GABRG2: variants seen among roughly 807,000 people sequenced by gnomAD.
The protein encoded by GABRG2 is gamma-aminobutyric acid receptor subunit gamma-2.
Under a neutral mutation model 56.4 loss-of-function variants are expected in GABRG2, and 16 were observed. The ratio of observed to expected loss-of-function variants is 0.28; its 90% CI spans 0.19 to 0.43. The LOEUF is 0.43. GABRG2 is among the 20% of genes least tolerant of loss of function. The pLI is 1.00. For missense variants in GABRG2, 327 were observed against 582.7 expected (o/e 0.56, Z 4.52); for synonymous variants, 208 against 205.5 (o/e 1.01, Z -0.10).
intron 6 of GABRG2, among the ~76,000 whole-genome samples, chr5:162,117,796 G>T (rs1762719713): frequency 6.6e-6 from 1 of 152,048 alleles, no homozygotes; most frequent in Admixed American, 6.6e-5. Context: ...TTGAATAATT[G>T]AGTACTAATA....
intron 6 of GABRG2, among the ~76,000 whole-genome samples, chr5:162,137,032 G>A (rs1046614808): frequency 6.6e-6 from 1 of 152,100 alleles, no homozygotes. Context: ...AAACAACCCC[G>A]AGAATGGTGG....
intron 1 of GABRG2, among the ~76,000 whole-genome samples, chr5:162,091,397 C>T (rs976655690): frequency 6.6e-6 from 1 of 151,968 alleles, no homozygotes; most frequent in Non-Finnish European, 1.5e-5. Flanking sequence ...AGGCACTGTG[C>T]TAAGCACTTA....
chr5:162,080,672 A>G lies in GABRG2; in HGVS notation c.107+12566A>G, dbSNP rs191252459. On this transcript the variant is annotated intron_variant, in intron 1 of 9. Coordinates refer to ENST00000639213, the MANE Select transcript of GABRG2 (RefSeq NM_198904.4). ...CAGTTTCATTCTTAGGGAAAAGTGT[A>G]CCTATATGATCTGGGGAATGGTGAG... Among the ~76,000 whole-genome samples, 9 of 152,230 alleles carry G rather than the reference A, an allele frequency of 5.9e-5. No individual in the cohort carries two copies. The East Asian group carries it at 1.7e-3, about 29-fold the overall frequency.
At chr5:162,135,234 T>C (rs1466461280) in intron 6 of GABRG2, among the ~76,000 whole-genome samples, 1 of 152,238 alleles carries the variant, frequency 6.6e-6, no homozygotes, top group Admixed American at 6.5e-5. Context: ...TTTTTTTTCT[T>C]GGCAAGCATT....
intron 6 of GABRG2, among the ~76,000 whole-genome samples, chr5:162,135,497 C>T (rs547522825): frequency 1.3e-5 from 2 of 152,202 alleles, no homozygotes; most frequent in Admixed American, 1.3e-4. Context: ...GTGCTAGATG[C>T]TCAGAATAAA....
rs781756750 is a variant in GABRG2 at position 162,151,744 on chromosome 5, T to G, written c.1143T>G (p.Phe381Leu). 1 of 1,611,950 alleles carries G rather than the reference T, an allele frequency of 6.2e-7. No homozygotes were observed. The highest frequency in any genetic ancestry group is 8.5e-7 in the Non-Finnish European group (1 of 1,178,760). The change falls in exon 9 of 10, where the codon TTT becomes TTG. Residue 381 changes from phenylalanine to leucine, a missense_variant. This residue lies in a region of GABRG2 where 108 missense variants were observed against 144.2 expected (regional missense o/e 0.75). Transcript: ENST00000639213. ...KKKKNPLLRMFSFKAPTIDIR... is the reference protein window; with the variant it reads ...KKKKNPLLRMLSFKAPTIDIR... ...CAAACCCAAAGCTTCTTCGGATGTT[T>G]TCCTTCAAGGTATAATGTTTTTGGA...
intron 6 of GABRG2, among the ~76,000 whole-genome samples, chr5:162,133,356 T>A (rs1763892599): frequency 6.6e-6 from 1 of 152,150 alleles, no homozygotes; most frequent in African/African-American, 2.4e-5. Context: ...GTGGGAGAAT[T>A]TAAACAACTT....
intron 5 of GABRG2, chr5:162,102,922 C>G (rs1761542967): frequency 1.9e-5 from 3 of 161,940 alleles, no homozygotes; most frequent in African/African-American, 4.8e-5. Context: ...GATTTTATTC[C>G]AAGTACTCAA....
intron 6 of GABRG2, among the ~76,000 whole-genome samples, chr5:162,104,856 T>C (rs1761685575): frequency 6.6e-6 from 1 of 152,198 alleles, no homozygotes; most frequent in Admixed American, 6.5e-5. Flanking sequence ...TCGGGCAAGT[T>C]AGATATGTTT....
intron 1 of GABRG2, among the ~76,000 whole-genome samples, chr5:162,069,829 T>C (rs1758527381): frequency 6.6e-6 from 1 of 152,164 alleles, no homozygotes; most frequent in South Asian, 2.1e-4. Flanking sequence ...TGGATAGCTA[T>C]TAATTTGTTT....
intron 4 of GABRG2, chr5:162,099,916 T>C (rs1350837058): frequency 6.6e-6 from 1 of 152,210 alleles, no homozygotes; most frequent in African/African-American, 2.4e-5. Context: ...TCTGCAATTA[T>C]ATTATTTTCA....
intron 1 of GABRG2, among the ~76,000 whole-genome samples, chr5:162,089,401 G>A (rs1760387110): frequency 6.6e-6 from 1 of 152,088 alleles, no homozygotes; most frequent in Non-Finnish European, 1.5e-5. Context: ...TGAGATGTAA[G>A]TAGTGTATAT....
At chr5:162,086,980 A>G (rs1487809926) in intron 1 of GABRG2, among the ~76,000 whole-genome samples, 1 of 152,100 alleles carries the variant, frequency 6.6e-6, no homozygotes, top group Admixed American at 6.6e-5. Flanking sequence ...TCTGGGTTAT[A>G]GAGTACAGAA....
chr5:162,105,672 C>T (rs1045035568), intron 6 of GABRG2, among the ~76,000 whole-genome samples: 4 of 151,788 alleles, frequency 2.6e-5, no homozygotes, highest in African/African-American at 4.8e-5. Flanking sequence ...CCTTGTGATC[C>T]GCCTGCCTCA....
chr5:162,095,394 C>T, intron 2 of GABRG2, 101 bp from the exon 3 acceptor site: 2 of 748,938 alleles, frequency 2.7e-6, no homozygotes, highest in Admixed American at 2.0e-5. Context: ...GAATAAATTA[C>T]TTCTAATGTA....
In GABRG2 at chr5:162,149,098, C is replaced by T. The variant is rs1187124638; in HGVS notation, c.923-10C>T. The T allele has an allele frequency of 4.3e-6, 7 of 1,612,860 alleles. No homozygotes were observed. Among genetic ancestry groups the T allele is most frequent in the Non-Finnish European group, 5.9e-6 (7 of 1,179,316 alleles). On this transcript the variant is annotated splice_polypyrimidine_tract_variant and intron_variant, in intron 7 of 9. Transcript: ENST00000639213. ...AATCACATGACCTGTATTATTACACCTCTCTTCAGGTATCACCACTGTCCT... is the reference window on the plus strand; with the variant it reads ...AATCACATGACCTGTATTATTACACTTCTCTTCAGGTATCACCACTGTCCT...
intron 6 of GABRG2, among the ~76,000 whole-genome samples, chr5:162,129,825 CTA>C (rs1332801242): frequency 2.6e-5 from 4 of 151,782 alleles, no homozygotes; most frequent in Non-Finnish European, 5.9e-5. Context: ...AATAACAACA[CTA>C]TGAATTTTTA....
At chr5:162,106,916 G>GGA (rs3079257) in intron 6 of GABRG2, among the ~76,000 whole-genome samples, 2 of 151,048 alleles carry the variant, frequency 1.3e-5, no homozygotes, top group Non-Finnish European at 2.9e-5. Context: ...CTTGTGTCTT[G>GGA]GGTGGGGGGT....
intron 6 of GABRG2, among the ~76,000 whole-genome samples, chr5:162,113,558 A>C (rs547035737): frequency 2.0e-5 from 3 of 152,216 alleles, no homozygotes; most frequent in Non-Finnish European, 2.9e-5. Context: ...ACAATAAATA[A>C]GTTACATTGC....
Sources: gnomAD v4.1 joint callset for allele counts (sites outside exome capture counted in the v4.1 genomes callset) on GRCh38, gnomAD v4.1.1 for gene constraint, gnomAD v4.1.1 regional missense constraint, MANE v1.5 for transcripts, NCBI Gene and HGNC (gene_info 2026-07-23, HGNC 2026-07-21) for gene names.